Variants in NUDT13 observed in about 807,000 individuals in gnomAD.
The protein encoded by NUDT13 is nudix hydrolase 13.
NUDT13 carries 40 observed loss-of-function variants against 41.7 expected under a neutral mutation model. That is an observed-to-expected ratio of 0.96 (90% CI 0.75 to 1.25). The LOEUF is 1.25. Among genes scored for constraint, NUDT13 ranks in the 50% most tolerant of loss-of-function variants. The pLI is 0.00. For synonymous variants in NUDT13, 145 were observed against 155.5 expected (o/e 0.93, Z 0.50); for missense variants, 390 against 416.1 (o/e 0.94, Z 0.55).
rs768060140 is a variant in NUDT13, at chr10:73,114,418, G to C, written c.53G>C (p.Arg18Thr). ...ACRRKFFWCYRLLSTYVTKTR... is the reference protein window; with the variant it reads ...ACRRKFFWCYTLLSTYVTKTR... ...AGGAGAAAATTTTTTTGGTGCTATAGGCTGCTGTCAACCTATGTTACTAAG... is the reference window on the plus strand; with the variant it reads ...AGGAGAAAATTTTTTTGGTGCTATACGCTGCTGTCAACCTATGTTACTAAG... The change falls in exon 2 of 9, where the codon AGG (arginine) becomes ACG (threonine). Residue 18 changes from arginine (R) to threonine (T), a missense_variant. Physicochemically the swap from Arg to Thr is moderately conservative, Grantham distance 71. Coordinates refer to ENST00000357321, the MANE Select transcript of NUDT13 (RefSeq NM_015901.6). The C allele has an allele frequency of 1.9e-6, 3 of 1,592,836 alleles. No homozygotes were observed. In the East Asian group the frequency reaches 6.7e-5, roughly 36 times the overall value.
chr10:73,123,489 G>A (rs1285791285), intron 4 of NUDT13, among the ~76,000 whole-genome samples: 1 of 152,062 alleles, frequency 6.6e-6, no homozygotes, highest in East Asian at 1.9e-4. Context: ...TTCTTGCCCC[G>A]AAGAAGATCT....
intron 5 of NUDT13, 190 bp from the exon 6 acceptor site, chr10:73,124,928 T>G: frequency 1.9e-6 from 1 of 533,642 alleles, no homozygotes; most frequent in African/African-American, 1.9e-5. Flanking sequence ...TTATTCAGAT[T>G]TCTGATGCTA....
intron 6 of NUDT13, 74 bp downstream of exon 6, chr10:73,125,317 C>T: frequency 6.3e-7 from 1 of 1,599,460 alleles, no homozygotes. Flanking sequence ...GAAGCCTGTG[C>T]AATTCCTTAA....
chr10:73,120,937 CAA>C lies in NUDT13; in HGVS notation c.223+795_223+796del, dbSNP rs11322928. 4.3e-3 allele frequency among the ~76,000 whole-genome samples: 439 copies of C among 101,758 alleles called. 2 individuals are homozygous for C. The highest frequency in any genetic ancestry group is 4.3e-3 in the Non-Finnish European group (190 of 44,342). 66.8% of individuals were successfully genotyped at this position (101,758 alleles called of 152,430 possible). On this transcript the variant is annotated intron_variant, in intron 3 of 8. Coordinates refer to ENST00000357321, the MANE Select transcript of NUDT13 (RefSeq NM_015901.6). ...TGGGTGACAGAGCGAGACTCCATCT[CAA>C]AAAAAAAAAAAAAAGTTCCATCATA...
intron 1 of NUDT13, among the ~76,000 whole-genome samples, chr10:73,112,924 G>A (rs776449482): frequency 6.6e-6 from 1 of 151,208 alleles, no homozygotes; most frequent in Non-Finnish European, 1.5e-5. Flanking sequence ...TTTTGCTCTT[G>A]TTGCCCAGGC....
chr10:73,127,409 A>G (rs1842814948), intron 8 of NUDT13, among the ~76,000 whole-genome samples: 1 of 152,140 alleles, frequency 6.6e-6, no homozygotes, highest in Non-Finnish European at 1.5e-5. Context: ...ATTTAATTAA[A>G]TATGATTTAT....
intron 2 of NUDT13, among the ~76,000 whole-genome samples, chr10:73,116,876 AT>A (rs56229464): frequency 1.9e-3 from 159 of 81,848 alleles, no homozygotes; most frequent in African/African-American, 4.7e-3. Flanking sequence ...GACTACAAGA[AT>A]TTTTTTTTTT....
At chr10:73,114,241 T>C (rs1842442119) in intron 1 of NUDT13, 116 bp from the exon 2 acceptor site, 1 of 418,556 alleles carries the variant, frequency 2.4e-6, no homozygotes, top group African/African-American at 2.0e-5. Flanking sequence ...GAGTTTGTCT[T>C]TCCTTAATAT....
Position 73,125,175 on chromosome 10 carries a change from C to T in NUDT13, c.523C>T (p.Pro175Ser). 2 of 1,613,352 alleles carry T rather than the reference C, an allele frequency of 1.2e-6. No individual in the cohort carries two copies. Among genetic ancestry groups the T allele is most frequent in the African/African-American group, 1.3e-5 (1 of 74,870 alleles). Residue 175 changes from proline to serine, a missense_variant, in exon 6 of 9, where the codon CCC (proline) becomes TCC (serine). Coordinates refer to ENST00000357321, the MANE Select transcript of NUDT13 (RefSeq NM_015901.6). ...AHQFCSRSGQPTKKNVAGSKR... is the reference protein window; with the variant it reads ...AHQFCSRSGQSTKKNVAGSKR... ...TCAGTTCTGCAGCAGAAGTGGGCAG[C>T]CCACCAAGAAGAACGTGGCTGGCAG...
Position 73,131,064 on chromosome 10 carries a change from G to C in NUDT13, c.*161G>C. Reference sequence around the variant, plus strand: ...AGACACTTCTATCAGCAGTGTTAATGGAAGAAATTCCTACCAATGGGCAAT... The same window carrying C: ...AGACACTTCTATCAGCAGTGTTAATCGAAGAAATTCCTACCAATGGGCAAT... On this transcript the variant is annotated 3_prime_UTR_variant, in exon 9 of 9. Transcript: ENST00000357321. The C allele has an allele frequency of 1.3e-5, 7 of 554,822 alleles. No individual in the cohort carries two copies. Among genetic ancestry groups the C allele is most frequent in the Non-Finnish European group, 2.2e-5 (7 of 312,486 alleles). 34.4% of individuals were successfully genotyped at this position (554,822 alleles called of 1,614,324 possible). A position where few individuals can be genotyped will look rare whatever the true frequency, so the allele number is the denominator to read the frequency against.
chr10:73,114,318 T>A (rs1427294972), intron 1 of NUDT13, 39 bp from the exon 2 acceptor site: 5 of 1,045,978 alleles, frequency 4.8e-6, no homozygotes, highest in Non-Finnish European at 7.1e-6. Flanking sequence ...AAATTTCATA[T>A]TATGACTTTT....
Position 73,131,239 on chromosome 10 carries a change from ATGT to A in NUDT13, c.*340_*342del, listed in dbSNP as rs1842911576. 3 of 241,394 alleles carry A rather than the reference ATGT, an allele frequency of 1.2e-5. No individual in the cohort carries two copies. Among genetic ancestry groups the A allele is most frequent in the South Asian group, 1.3e-4 (2 of 15,340 alleles). 15.0% of individuals were successfully genotyped at this position (241,394 alleles called of 1,614,324 possible). A position where few individuals can be genotyped will look rare whatever the true frequency, so the allele number is the denominator to read the frequency against. On this transcript the variant is annotated 3_prime_UTR_variant, in exon 9 of 9. Coordinates refer to ENST00000357321, the MANE Select transcript of NUDT13 (RefSeq NM_015901.6). ...ACATCTTCTGGCATATGGCTTGTTA[ATGT>A]TGTGTTTACACTAACTGCCAAAATG...
chr10:73,121,860 A>G (rs570541117), intron 3 of NUDT13, among the ~76,000 whole-genome samples: 6 of 151,974 alleles, frequency 3.9e-5, no homozygotes, highest in Admixed American at 1.3e-4. Context: ...TTTTTTTTCA[A>G]TGACTTAATA....
At chr10:73,129,352 T>C (rs1842863534) in intron 8 of NUDT13, among the ~76,000 whole-genome samples, 1 of 151,590 alleles carries the variant, frequency 6.6e-6, no homozygotes, top group Admixed American at 6.6e-5. Flanking sequence ...TTTGTATTTT[T>C]ATTAGAGATG....
rs779398868 is a variant in NUDT13 at position 73,126,722 on chromosome 10, A to T, written c.753A>T (p.Gly251=). The T allele has an allele frequency of 1.6e-4, 259 of 1,613,954 alleles. No individual in the cohort carries two copies. The highest frequency in any genetic ancestry group is 2.1e-4 in the Non-Finnish European group (249 of 1,180,000). The change falls in exon 8 of 9, where the codon GGA becomes GGT. Residue 251 remains glycine (G), a synonymous_variant. Coordinates refer to ENST00000357321, the MANE Select transcript of NUDT13 (RefSeq NM_015901.6). ...GCCGAGAAGTTGCAGAAGAGGTGGG[A>T]TTGGAGGTGGAAAGCCTGCAGTACT... ...TIRREVAEEV[G]LEVESLQYYA...
chr10:73,112,348 C>T (rs977375039), intron 1 of NUDT13, among the ~76,000 whole-genome samples: 13 of 150,548 alleles, frequency 8.6e-5, no homozygotes, highest in South Asian at 6.3e-4. Context: ...AGCGAAACTC[C>T]GTCTCAAAAA....
intron 2 of NUDT13, among the ~76,000 whole-genome samples, chr10:73,119,726 A>G (rs1324393443): frequency 6.6e-6 from 1 of 152,208 alleles, no homozygotes; most frequent in African/African-American, 2.4e-5. Context: ...AGCTGAGTAA[A>G]GCATACCTTC....
chr10:73,126,302 T>C (rs981804946), intron 7 of NUDT13: 4 of 182,408 alleles, frequency 2.2e-5, no homozygotes, highest in Non-Finnish European at 3.5e-5. Context: ...ATTGAAGATA[T>C]TAGTACACTT....
intron 7 of NUDT13, among the ~76,000 whole-genome samples, chr10:73,125,834 G>C (rs1430536695): frequency 6.6e-6 from 1 of 151,522 alleles, no homozygotes; most frequent in Non-Finnish European, 1.5e-5. Context: ...ACAGGCACAG[G>C]CTACCATGCC....
Sources: gnomAD v4.1 joint callset for allele counts (sites outside exome capture counted in the v4.1 genomes callset) on GRCh38, gnomAD v4.1.1 for gene constraint, MANE v1.5 for transcripts, NCBI Gene and HGNC (gene_info 2026-07-23, HGNC 2026-07-21) for gene names.